MIR2052HG: variants seen among roughly 807,000 people sequenced by gnomAD.
The protein encoded by MIR2052HG is MIR2052 host gene.
chr8:74,758,024 G>C (rs1054613940), intron 5 of MIR2052HG: 1 of 152,058 alleles, frequency 6.6e-6, no homozygotes. Context: ...TATAGTCAGG[G>C]CCTGCTGACT....
At chr8:74,740,232 G>C (rs1440895669) in intron 4 of MIR2052HG, among the ~76,000 whole-genome samples, 1 of 152,180 alleles carries the variant, frequency 6.6e-6, no homozygotes, top group Non-Finnish European at 1.5e-5. Flanking sequence ...GAGAGGCCGA[G>C]GCAGGTGGAT....
chr8:74,726,655 G>A (rs1809639624), intron 4 of MIR2052HG, among the ~76,000 whole-genome samples: 1 of 152,218 alleles, frequency 6.6e-6, no homozygotes, highest in South Asian at 2.1e-4. Context: ...TACTAGGATG[G>A]TTTAGAATGA....
At chr8:74,749,050 T>G (rs1355922446) in intron 4 of MIR2052HG, among the ~76,000 whole-genome samples, 1 of 152,204 alleles carries the variant, frequency 6.6e-6, no homozygotes, top group Non-Finnish European at 1.5e-5. Context: ...TTTGCTTTTT[T>G]TGATAGCTAT....
At chr8:74,652,551 C>T (rs1808764065) in intron 2 of MIR2052HG, among the ~76,000 whole-genome samples, 1 of 152,080 alleles carries the variant, frequency 6.6e-6, no homozygotes, top group Admixed American at 6.6e-5. Flanking sequence ...CTGACTCAGA[C>T]AGAGTTACTT....
At chr8:74,715,122 T>G (rs1809507898) in intron 4 of MIR2052HG, among the ~76,000 whole-genome samples, 1 of 152,218 alleles carries the variant, frequency 6.6e-6, no homozygotes, top group African/African-American at 2.4e-5. Flanking sequence ...AATATTTCTA[T>G]TACTATTAGT....
At position 74,606,405 on chromosome 8, in the gene MIR2052HG, C is replaced by T. The variant is rs569191820; in HGVS notation, n.129-6448C>T. On this transcript the variant is annotated intron_variant and non_coding_transcript_variant, in intron 1 of 6. Transcript: ENST00000523442. Reference sequence around the variant, plus strand: ...TTAAAGTAAAGGGAGAGTCTAAAAACAGGGTTAGTGAAAACAAGGTTGGGC... The same window carrying T: ...TTAAAGTAAAGGGAGAGTCTAAAAATAGGGTTAGTGAAAACAAGGTTGGGC... 4.3e-4 allele frequency among the ~76,000 whole-genome samples: 66 copies of T among 152,188 alleles called. 1 individual carries two copies. Among genetic ancestry groups the T allele is most frequent in the African/African-American group, 1.6e-3 (65 of 41,512 alleles).
At chr8:74,641,872 G>A (rs56028116) in intron 2 of MIR2052HG, among the ~76,000 whole-genome samples, 3,961 of 152,144 alleles carry the variant, frequency 0.026, 177 homozygotes, top group African/African-American at 0.091. Context: ...CATGTTTTGG[G>A]TATGCTCAAT....
intron 4 of MIR2052HG, among the ~76,000 whole-genome samples, chr8:74,741,018 T>C (rs183003198): frequency 6.6e-6 from 1 of 152,348 alleles, no homozygotes; most frequent in African/African-American, 2.4e-5. Flanking sequence ...CTAGTGGAAA[T>C]ACTGAGTTAG....
intron 2 of MIR2052HG, among the ~76,000 whole-genome samples, chr8:74,672,267 C>T (rs1009912033): frequency 3.9e-5 from 6 of 151,984 alleles, no homozygotes; most frequent in Non-Finnish European, 8.8e-5. Context: ...GCCTAGCATC[C>T]GTTGAATCTA....
intron 4 of MIR2052HG, among the ~76,000 whole-genome samples, chr8:74,740,512 T>G (rs1809814700): frequency 6.6e-6 from 1 of 152,154 alleles, no homozygotes; most frequent in Non-Finnish European, 1.5e-5. Flanking sequence ...ATGTTAGGCA[T>G]CATGGGTACT....
intron 2 of MIR2052HG, among the ~76,000 whole-genome samples, chr8:74,623,558 T>C (rs1425775): frequency 0.56 from 85,245 of 152,116 alleles, 24,400 homozygotes; most frequent in African/African-American, 0.66. Context: ...ATAAATACAA[T>C]GTCATTATTA....
At chr8:74,673,655 A>G (rs1809017212) in intron 2 of MIR2052HG, among the ~76,000 whole-genome samples, 1 of 151,938 alleles carries the variant, frequency 6.6e-6, no homozygotes, top group Non-Finnish European at 1.5e-5. Context: ...CTTGGGCTAG[A>G]AAAGAAGTTA....
intron 4 of MIR2052HG, among the ~76,000 whole-genome samples, chr8:74,729,450 C>A (rs1809668886): frequency 6.6e-6 from 1 of 152,110 alleles, no homozygotes; most frequent in African/African-American, 2.4e-5. Context: ...AGCTGTAAGA[C>A]CTTCTCCTGT....
At chr8:74,698,581 T>G (rs1809324748) in intron 2 of MIR2052HG, among the ~76,000 whole-genome samples, 1 of 152,128 alleles carries the variant, frequency 6.6e-6, no homozygotes, top group Non-Finnish European at 1.5e-5. Flanking sequence ...ACCCACAGAC[T>G]GGGAGATAAT....
chr8:74,657,774 C>T (rs894055908), intron 2 of MIR2052HG, among the ~76,000 whole-genome samples: 6 of 152,116 alleles, frequency 3.9e-5, no homozygotes, highest in Admixed American at 6.5e-5. Flanking sequence ...GAAAGACTTG[C>T]CCCCATGATT....
At chr8:74,702,377 A>G (rs2128740955) in intron 2 of MIR2052HG, 1 of 452,710 alleles carries the variant, frequency 2.2e-6, no homozygotes, top group South Asian at 1.6e-5. Context: ...TTCCTTTGCC[A>G]GCTGAAGCTA....
At chr8:74,631,751 G>T (rs1808514625) in intron 2 of MIR2052HG, among the ~76,000 whole-genome samples, 1 of 152,138 alleles carries the variant, frequency 6.6e-6, no homozygotes, top group African/African-American at 2.4e-5. Flanking sequence ...GGAGTCCAAG[G>T]TCAAGGCACC....
rs111669295 is a variant in MIR2052HG, at chr8:74,717,435, T to A, written n.371+13753T>A. ...TGGGCATTTGGGTTGGTTCCATGTC[T>A]TTGCTATTGTAAACAGTGCTTTTGC... is the stretch of plus-strand genomic sequence containing the variant. On this transcript the variant is annotated intron_variant and non_coding_transcript_variant, in intron 4 of 6. Transcript: ENST00000523442. Among the ~76,000 whole-genome samples, 24 of 152,338 alleles carry A rather than the reference T, an allele frequency of 1.6e-4. 3 individuals carry two copies. The highest frequency in any genetic ancestry group is 5.5e-4 in the African/African-American group (23 of 41,580).
intron 2 of MIR2052HG, among the ~76,000 whole-genome samples, chr8:74,620,820 C>T (rs897956385): frequency 6.6e-6 from 1 of 152,222 alleles, no homozygotes; most frequent in Non-Finnish European, 1.5e-5. Context: ...TTCCATTCCT[C>T]ATTACTTATG....
Sources: allele counts gnomAD v4.1 joint callset (sites outside exome capture counted in the v4.1 genomes callset), GRCh38; gene constraint gnomAD v4.1.1; transcripts MANE v1.5; gene names NCBI Gene and HGNC (gene_info 2026-07-23, HGNC 2026-07-21).